The following RSRC1 variants were observed in gnomAD, a reference collection of about 807,000 sequenced individuals.
RSRC1 encodes arginine and serine rich coiled-coil 1, also known as serine/Arginine-related protein 53.
Under a neutral mutation model 49.1 loss-of-function variants are expected in RSRC1, and 39 were observed. That is an observed-to-expected ratio of 0.79 (90% CI 0.61 to 1.04). The LOEUF is 1.04. RSRC1 is among the 50% of genes least tolerant of loss of function. The pLI, the probability that RSRC1 is intolerant of heterozygous loss-of-function variation, is 0.00. For missense variants in RSRC1, 388 were observed against 402.4 expected (o/e 0.96, Z 0.31); for synonymous variants, 143 against 130.8 (o/e 1.09, Z -0.63).
At chr3:158,500,702 A>C (rs1739555385) in intron 7 of RSRC1, among the ~76,000 whole-genome samples, 1 of 152,032 alleles carries the variant, frequency 6.6e-6, no homozygotes, top group Non-Finnish European at 1.5e-5. Flanking sequence ...CACTGGTGTG[A>C]GTTTAATATC....
intron 6 of RSRC1, among the ~76,000 whole-genome samples, chr3:158,455,679 A>G (rs1262928741): frequency 1.3e-5 from 2 of 152,028 alleles, no homozygotes; most frequent in East Asian, 1.9e-4. Context: ...AGGAGACTTC[A>G]CTTTGGAAGG....
intron 5 of RSRC1, among the ~76,000 whole-genome samples, chr3:158,339,567 C>G (rs1730116083): frequency 6.6e-6 from 1 of 152,046 alleles, no homozygotes. Flanking sequence ...CTTAAACATC[C>G]AGCTCTTTGA....
intron 6 of RSRC1, among the ~76,000 whole-genome samples, chr3:158,457,260 A>G (rs760328499): frequency 1.3e-5 from 2 of 152,192 alleles, no homozygotes; most frequent in Non-Finnish European, 2.9e-5. Context: ...GATTCTAGAT[A>G]TAATTTGTGG....
At chr3:158,461,034 A>T in intron 7 of RSRC1, 31 bp downstream of exon 7, 1 of 1,519,100 alleles carries the variant, frequency 6.6e-7, no homozygotes, top group Non-Finnish European at 9.1e-7. Flanking sequence ...TTCTCTGAGA[A>T]ATCACTATTT....
chr3:158,192,810 G>A (rs1306201169), intron 3 of RSRC1, among the ~76,000 whole-genome samples: 6 of 152,004 alleles, frequency 3.9e-5, no homozygotes, highest in East Asian at 3.9e-4. Flanking sequence ...TTTGGCTGCC[G>A]AGGGTTATCT....
intron 4 of RSRC1, among the ~76,000 whole-genome samples, chr3:158,286,713 TAGG>T (rs1559977358): frequency 6.6e-6 from 1 of 152,176 alleles, no homozygotes; most frequent in Non-Finnish European, 1.5e-5. Flanking sequence ...TTGAGTTAAA[TAGG>T]AGAACAGAAG....
At chr3:158,535,863 C>T (rs2108504382) in intron 7 of RSRC1, among the ~76,000 whole-genome samples, 1 of 151,478 alleles carries the variant, frequency 6.6e-6, no homozygotes, top group Admixed American at 6.6e-5. Flanking sequence ...AAGAATCAAA[C>T]ATTTATTGGG....
At chr3:158,133,237 A>G (rs557400948) in intron 3 of RSRC1, among the ~76,000 whole-genome samples, 25 of 152,342 alleles carry the variant, frequency 1.6e-4, no homozygotes, top group South Asian at 1.4e-3. Flanking sequence ...TGAAAATTAT[A>G]GAAATGATCC....
At chr3:158,461,462 T>C (rs1195994633) in intron 7 of RSRC1, among the ~76,000 whole-genome samples, 1 of 151,898 alleles carries the variant, frequency 6.6e-6, no homozygotes, top group African/African-American at 2.4e-5. Flanking sequence ...TTTAAAGATA[T>C]TCTTTTTAAA....
intron 7 of RSRC1, among the ~76,000 whole-genome samples, chr3:158,495,917 TAAG>T (rs1444649550): frequency 1.3e-5 from 2 of 152,202 alleles, no homozygotes; most frequent in African/African-American, 2.4e-5. Flanking sequence ...CTGGCTTAAA[TAAG>T]AAAGTAATTC....
intron 4 of RSRC1, among the ~76,000 whole-genome samples, chr3:158,217,499 G>T (rs991371813): frequency 8.6e-5 from 13 of 151,630 alleles, no homozygotes; most frequent in African/African-American, 3.1e-4. Context: ...GAAGAGGAAA[G>T]CATTTTAGTA....
rs181835923 is a variant in RSRC1 at position 158,217,873 on chromosome 3, C to T, written c.494+14628C>T. Among the ~76,000 whole-genome samples, 7 of 151,026 alleles carry T rather than the reference C, an allele frequency of 4.6e-5. No individual in the cohort carries two copies. The South Asian group carries it at 1.3e-3, about 27-fold the overall frequency. ...TTTGAGCAGAATATAATGGTGGGGA[C>T]GGAGATGTATTTGACCTAGAATAGT... On this transcript the variant is annotated intron_variant, in intron 4 of 9. Transcript: ENST00000611884.
chr3:158,211,372 TGA>T (rs1378254900), intron 4 of RSRC1, among the ~76,000 whole-genome samples: 2 of 151,826 alleles, frequency 1.3e-5, no homozygotes, highest in African/African-American at 4.8e-5. Context: ...ACCTAATTAA[TGA>T]GAAAATAAGT....
chr3:158,149,227 C>T (rs1717360524), intron 3 of RSRC1, among the ~76,000 whole-genome samples: 2 of 152,154 alleles, frequency 1.3e-5, no homozygotes, highest in Admixed American at 6.5e-5. Flanking sequence ...GAATGATCAT[C>T]AAAGCTCCTT....
chr3:158,374,630 A>G (rs545377780), intron 6 of RSRC1, among the ~76,000 whole-genome samples: 33 of 152,302 alleles, frequency 2.2e-4, no homozygotes, highest in African/African-American at 7.0e-4. Flanking sequence ...AATATATTCA[A>G]TTCATCTAAA....
At chr3:158,392,527 C>T (rs1346407035) in intron 6 of RSRC1, among the ~76,000 whole-genome samples, 6 of 151,916 alleles carry the variant, frequency 3.9e-5, no homozygotes, top group East Asian at 3.9e-4. Flanking sequence ...ACACAGAATG[C>T]CAAGTGTAAT....
intron 5 of RSRC1, among the ~76,000 whole-genome samples, chr3:158,327,710 T>TG (rs1485425793): frequency 1.1e-4 from 16 of 152,156 alleles, no homozygotes; most frequent in African/African-American, 3.6e-4. Context: ...TATATTCTGT[T>TG]GATTTGGGGT....
intron 1 of RSRC1, among the ~76,000 whole-genome samples, chr3:158,115,326 A>G (rs1253777555): frequency 6.6e-6 from 1 of 152,126 alleles, no homozygotes; most frequent in South Asian, 2.1e-4. Context: ...CAAGACAGAT[A>G]GATCTGTGTC....
intron 5 of RSRC1, among the ~76,000 whole-genome samples, chr3:158,316,084 A>G (rs1327656946): frequency 6.6e-6 from 1 of 151,998 alleles, no homozygotes; most frequent in Non-Finnish European, 1.5e-5. Context: ...AGGCACGAGA[A>G]TCACTTGAAC....
Sources: gnomAD v4.1 joint callset for allele counts (sites outside exome capture counted in the v4.1 genomes callset) on GRCh38, gnomAD v4.1.1 for gene constraint, MANE v1.5 for transcripts, NCBI Gene and HGNC (gene_info 2026-07-23, HGNC 2026-07-21) for gene names.